Variants in ARMH1 observed in about 807,000 individuals in gnomAD.
ARMH1 encodes armadillo like helical domain containing 1, also known as armadillo-like helical domain containing protein 1.
ARMH1 carries 34 observed loss-of-function variants against 50.2 expected under a neutral mutation model. The ratio of observed to expected loss-of-function variants is 0.68; its 90% CI spans 0.51 to 0.90. ARMH1 has a LOEUF of 0.90. Among genes scored for constraint, ARMH1 ranks in the 40% least tolerant of loss-of-function variants. The pLI, the probability that ARMH1 is intolerant of heterozygous loss-of-function variation, is 0.00. For missense variants in ARMH1, 538 were observed against 553.9 expected, an observed-to-expected ratio of 0.97 and a Z score of 0.29; for synonymous variants, 221 against 224.2, an observed-to-expected ratio of 0.99 and a Z score of 0.13.
chr1:44,690,630 T>G (rs1645629851), intron 2 of ARMH1, among the ~76,000 whole-genome samples: 1 of 152,314 alleles, frequency 6.6e-6, no homozygotes, highest in Middle Eastern at 3.4e-3. Flanking sequence ...CTGTTTCAAA[T>G]CTATATTCCA....
At chr1:44,702,710 C>CAAAAAAAAAAAAAAAAAA (rs11449439) in intron 5 of ARMH1, among the ~76,000 whole-genome samples, 1 of 89,958 alleles carries the variant, frequency 1.1e-5, no homozygotes, top group African/African-American at 4.3e-5. Context: ...GACTCCATCT[C>CAAAAAAAAAAAAAAAAAA]AAAAAAAAAA....
intron 6 of ARMH1, among the ~76,000 whole-genome samples, chr1:44,716,273 A>G (rs1175725435): frequency 6.6e-6 from 1 of 152,140 alleles, no homozygotes; most frequent in Non-Finnish European, 1.5e-5. Flanking sequence ...GACAGAAACA[A>G]TAGTCGCTAA....
rs1425084202 is a variant in ARMH1, at chr1:44,698,066, T to C, written c.279T>C (p.Asn93=). 6.5e-7 allele frequency: 1 copy of C among 1,548,680 alleles called. No homozygotes were observed. The highest frequency in any genetic ancestry group is 2.4e-5 in the East Asian group (1 of 40,870). ...ACTTTTCTATCCCTCTGGACAGTAATCGGTACCTTATAGAATTTCTTGAGG... is the reference window on the plus strand; with the variant it reads ...ACTTTTCTATCCCTCTGGACAGTAACCGGTACCTTATAGAATTTCTTGAGG... ...IGIFLSAVSS[N]RYLIEFLEVG... The change falls in exon 4 of 12, where the codon AAT becomes AAC. Residue 93 remains asparagine, a synonymous_variant. Transcript: ENST00000535358.
rs1049493047 is a variant in ARMH1 at position 44,682,113 on chromosome 1, A to G, written c.-23+7240A>G. 6.6e-6 allele frequency among the ~76,000 whole-genome samples: 1 copy of G among 152,198 alleles called. No homozygotes were observed. The highest frequency in any genetic ancestry group is 1.5e-5 in the Non-Finnish European group (1 of 68,030). On this transcript the variant is annotated intron_variant, in intron 1 of 11. Transcript: ENST00000535358. This position sits in a 1 kb window ranked among gnomAD's most constrained non-coding sequence, Gnocchi z 4.5. ...AGAGTTGGCACCTGGGAATCTGTTT[A>G]ATTAACTAATGTGCAGAGCTAAGGA...
intron 1 of ARMH1, among the ~76,000 whole-genome samples, chr1:44,678,486 A>G (rs1292560209): frequency 6.6e-6 from 1 of 152,098 alleles, no homozygotes; most frequent in Non-Finnish European, 1.5e-5. Context: ...TGGGGAGCAG[A>G]AGAGGGTCCA....
chr1:44,692,084 C>T (rs967483516), intron 2 of ARMH1, among the ~76,000 whole-genome samples: 1 of 152,154 alleles, frequency 6.6e-6, no homozygotes, highest in Non-Finnish European at 1.5e-5. Context: ...TGAACCCTCT[C>T]GCCTTCTCTA....
chr1:44,711,707 G>A (rs1203767474), intron 6 of ARMH1, among the ~76,000 whole-genome samples: 1 of 152,188 alleles, frequency 6.6e-6, no homozygotes, highest in African/African-American at 2.4e-5. Flanking sequence ...GGTGGGCACT[G>A]AGAGTATAGT....
intron 6 of ARMH1, among the ~76,000 whole-genome samples, chr1:44,721,348 TTAA>T (rs1198659076): frequency 5.9e-5 from 9 of 152,094 alleles, no homozygotes; most frequent in Admixed American, 3.9e-4. Context: ...ATCCTAACTC[TTAA>T]GTTTTTCCTA....
At chr1:44,697,453 C>G (rs2148646675) in intron 3 of ARMH1, among the ~76,000 whole-genome samples, 1 of 152,264 alleles carries the variant, frequency 6.6e-6, no homozygotes, top group African/African-American at 2.4e-5. Flanking sequence ...GCTCACTTAA[C>G]TGGAAAAACC....
Position 44,712,820 on chromosome 1 carries a change from C to T in ARMH1, c.724+8647C>T, listed in dbSNP as rs185317167. 3.3e-5 allele frequency among the ~76,000 whole-genome samples: 5 copies of T among 151,656 alleles called. No individual in the cohort carries two copies. The East Asian group carries it at 9.8e-4, about 30-fold the overall frequency. On this transcript the variant is annotated intron_variant, in intron 6 of 11. Transcript: ENST00000535358. ...CTGGGATTACAGGCATGTGCCACCA[C>T]GCCCAGCTAATTTTTATAACTTCAG...
intron 6 of ARMH1, among the ~76,000 whole-genome samples, chr1:44,707,927 T>C (rs1462992016): frequency 6.6e-6 from 1 of 152,230 alleles, no homozygotes; most frequent in Non-Finnish European, 1.5e-5. Context: ...CTCAAGGTAA[T>C]TTCAGATATA....
At chr1:44,680,191 G>A (rs531061684) in intron 1 of ARMH1, among the ~76,000 whole-genome samples, 2 of 152,050 alleles carry the variant, frequency 1.3e-5, no homozygotes, top group Non-Finnish European at 2.9e-5. Context: ...TTGTTTGTTT[G>A]TTTGTTGTTT....
At chr1:44,725,027 G>T in intron 10 of ARMH1, 109 bp from the exon 11 acceptor site, 1 of 1,523,346 alleles carries the variant, frequency 6.6e-7, no homozygotes. Context: ...CTGCCCTTTC[G>T]GTCAGGCTGC....
chr1:44,725,379 G>C lies in ARMH1; in HGVS notation c.1299G>C (p.Glu433Asp). Residue 433 changes from glutamate (E) to aspartate (D), a missense_variant, in exon 12 of 12, where the codon GAG becomes GAC. Physicochemically the swap from Glu to Asp is conservative, Grantham distance 45. Transcript: ENST00000535358. The part of the protein sequence containing the change: ...SAQMAYLTHF[E>D]EDVESKE ...AGATGGCCTACCTCACACACTTCGA[G>C]GAGGATGTAGAATCAAAGGAGTAAC... 1 of 1,551,784 alleles carries C rather than the reference G, an allele frequency of 6.4e-7. No individual in the cohort carries two copies.
At position 44,698,162 on chromosome 1, in the gene ARMH1, T is replaced by G. The variant is rs2148650119; in HGVS notation, c.375T>G (p.Ser125=). ...EKIKEEAKKE[S]VKLLQVIANS... ...TCAAGGAGGAGGCCAAGAAGGAATC[T>G]GTCAAACTACTTCAGGTTATTGCGA... The change falls in exon 4 of 12, where the codon TCT becomes TCG. Residue 125 remains serine, a synonymous_variant. Coordinates refer to ENST00000535358, the MANE Select transcript of ARMH1 (RefSeq NM_001145636.2). 3.2e-6 allele frequency: 5 copies of G among 1,552,374 alleles called. No homozygotes were observed. In the East Asian group the frequency reaches 1.2e-4, roughly 38 times the overall value.
chr1:44,721,738 A>G (rs914911490), intron 6 of ARMH1: 30 of 152,026 alleles, frequency 2.0e-4, no homozygotes, highest in Non-Finnish European at 8.8e-5. Context: ...AACCTCCCAA[A>G]GCATGAAACA....
intron 6 of ARMH1, among the ~76,000 whole-genome samples, chr1:44,710,745 GCATTTAGTATA>G (rs1256302419): frequency 3.3e-5 from 5 of 152,024 alleles, no homozygotes; most frequent in African/African-American, 1.2e-4. Context: ...CAATTCAGTG[GCATTTAGTATA>G]CATTCACAGT....
chr1:44,680,166 A>AGTTTGTTT (rs3044192), intron 1 of ARMH1, among the ~76,000 whole-genome samples: 17 of 151,902 alleles, frequency 1.1e-4, no homozygotes, highest in South Asian at 6.2e-4. Flanking sequence ...ATTGGGGCCA[A>AGTTTGTTT]GTTTGTTTGT....
intron 6 of ARMH1, among the ~76,000 whole-genome samples, chr1:44,715,981 G>A (rs1315935295): frequency 6.6e-6 from 1 of 152,164 alleles, no homozygotes; most frequent in East Asian, 1.9e-4. Flanking sequence ...AGCTTCATGG[G>A]GCCTGAACTC....
Sources: gnomAD v4.1 joint callset for allele counts (sites outside exome capture counted in the v4.1 genomes callset) on GRCh38, gnomAD v4.1.1 for gene constraint, Gnocchi (gnomAD v3.1) non-coding constraint, MANE v1.5 for transcripts, NCBI Gene and HGNC (gene_info 2026-07-23, HGNC 2026-07-21) for gene names.